RGMB: variants seen among roughly 807,000 people sequenced by gnomAD.
RGMB encodes repulsive guidance molecule BMP co-receptor b, also known as repulsive guidance molecule B.
Under a neutral mutation model 26.9 loss-of-function variants are expected in RGMB, and 16 were observed. The observed-to-expected ratio is 0.60, with a 90% CI of 0.40 to 0.90. The LOEUF (loss-of-function observed/expected upper bound fraction) is 0.90. Among genes scored for constraint, RGMB ranks in the 40% least tolerant of loss-of-function variants. The pLI is 0.00. For missense variants in RGMB, 512 were observed against 573.3 expected (o/e 0.89, Z 1.09); for synonymous variants, 225 against 229.3 (o/e 0.98, Z 0.17).
chr5:98,774,374 C>T (rs999577573), intron 1 of RGMB, among the ~76,000 whole-genome samples, 168 bp downstream of exon 1: 3 of 152,206 alleles, frequency 2.0e-5, no homozygotes, highest in African/African-American at 4.8e-5. Flanking sequence ...GCCACAGTAA[C>T]GCAGCCACCC....
Position 98,778,624 on chromosome 5 carries a change from TATTAA to T in RGMB, c.137-951_137-947del, listed in dbSNP as rs1442911332. ...GTTGTTTCCATTTTATGGAACAGAA[TATTAA>T]ATTATTTGGGGACACACAACTGACC... is the stretch of plus-strand genomic sequence containing the variant. On this transcript the variant is annotated intron_variant, in intron 1 of 2. Transcript: ENST00000513185. Among the ~76,000 whole-genome samples the T allele has an allele frequency of 4.6e-5, 7 of 152,206 alleles. 1 individual carries two copies. Among genetic ancestry groups the T allele is most frequent in the Admixed American group, 3.9e-4 (6 of 15,288 alleles).
upstream of RGMB, chr5:98,773,219 G>A (rs1474231343): frequency 1.3e-5 from 2 of 151,102 alleles, no homozygotes; most frequent in African/African-American, 2.5e-5. Context: ...GCAGGGCCAG[G>A]GCAGGGAGGG....
intron 2 of RGMB, chr5:98,781,069 A>G (rs1746587367): frequency 6.6e-6 from 1 of 152,230 alleles, no homozygotes; most frequent in Admixed American, 6.5e-5. Flanking sequence ...AATGTAATTG[A>G]CAAGACTCAA....
upstream of RGMB, chr5:98,770,757 C>T (rs1410074112): frequency 1.2e-5 from 10 of 805,658 alleles, no homozygotes; most frequent in Non-Finnish European, 1.8e-5. Flanking sequence ...CCTTTCCTTT[C>T]CTTACTGTTC....
intron 2 of RGMB, 176 bp downstream of exon 2, chr5:98,780,264 G>A: frequency 1.7e-6 from 1 of 584,878 alleles, no homozygotes; most frequent in African/African-American, 1.9e-5. Context: ...ATTTCTTATT[G>A]GAATGTAAAC....
At chr5:98,785,582 G>A (rs1422594001) in intron 2 of RGMB, among the ~76,000 whole-genome samples, 3 of 152,064 alleles carry the variant, frequency 2.0e-5, no homozygotes, top group Non-Finnish European at 4.4e-5. Flanking sequence ...ATACAACCTA[G>A]CAGGGCCTAG....
At chr5:98,768,697 C>T (rs1008926809), upstream of RGMB, 1 of 152,212 alleles carries the variant, frequency 6.6e-6, no homozygotes, top group Non-Finnish European at 1.5e-5. Flanking sequence ...ATTTCCAAAT[C>T]TTTATCTTTG....
chr5:98,783,968 C>A (rs1451952007), intron 2 of RGMB, among the ~76,000 whole-genome samples: 3 of 152,062 alleles, frequency 2.0e-5, no homozygotes, highest in African/African-American at 7.2e-5. Context: ...ATCCTTCCAC[C>A]TCAGTAACAC....
At chr5:98,782,721 G>A (rs1336524494) in intron 2 of RGMB, among the ~76,000 whole-genome samples, 2 of 152,174 alleles carry the variant, frequency 1.3e-5, no homozygotes, top group East Asian at 3.9e-4. Context: ...ACACTGCACT[G>A]AAGCACTAGA....
intron 1 of RGMB, among the ~76,000 whole-genome samples, chr5:98,779,282 T>A (rs191091158): frequency 6.6e-6 from 1 of 152,214 alleles, no homozygotes; most frequent in African/African-American, 2.4e-5. Flanking sequence ...ATAAAATATT[T>A]TATTTACTAT....
intron 2 of RGMB, among the ~76,000 whole-genome samples, chr5:98,790,228 C>G (rs1746885752): frequency 6.6e-6 from 1 of 152,162 alleles, no homozygotes; most frequent in African/African-American, 2.4e-5. Context: ...ATTTAAACTA[C>G]AAGGGACTAC....
At chr5:98,793,010 G>A (rs895755466) in intron 2 of RGMB, 75 bp from the exon 3 acceptor site, 3 of 1,222,912 alleles carry the variant, frequency 2.5e-6, no homozygotes, top group African/African-American at 1.5e-5. Context: ...ATGGCGGGGA[G>A]CTCTTGCTAC....
At chr5:98,777,688 G>A (rs762292985) in intron 1 of RGMB, among the ~76,000 whole-genome samples, 11 of 152,152 alleles carry the variant, frequency 7.2e-5, no homozygotes, top group Non-Finnish European at 1.5e-4. Context: ...TTTGATTTGA[G>A]TTCTAGTGAA....
At chr5:98,773,662 C>A (rs1182508641), upstream of RGMB, 2 of 343,572 alleles carry the variant, frequency 5.8e-6, no homozygotes, top group Non-Finnish European at 1.0e-5. Flanking sequence ...GGGGCTGCCG[C>A]GCAGAGATAT....
intron 2 of RGMB, among the ~76,000 whole-genome samples, chr5:98,786,215 T>C (rs1746762898): frequency 2.0e-5 from 3 of 152,164 alleles, no homozygotes; most frequent in Admixed American, 2.0e-4. Context: ...CCAGATGTGG[T>C]TTGGAAGGAG....
intron 2 of RGMB, among the ~76,000 whole-genome samples, chr5:98,787,059 G>A (rs1424460311): frequency 1.3e-5 from 2 of 152,176 alleles, no homozygotes; most frequent in East Asian, 3.8e-4. Context: ...GTGTGTGCAT[G>A]CACAGATGTA....
chr5:98,791,362 G>A (rs1375691895), intron 2 of RGMB, among the ~76,000 whole-genome samples: 1 of 152,242 alleles, frequency 6.6e-6, no homozygotes, highest in East Asian at 1.9e-4. Context: ...GAAATGGCTG[G>A]AAAATTCCAG....
intron 2 of RGMB, among the ~76,000 whole-genome samples, chr5:98,786,316 A>G (rs775318042): frequency 6.6e-6 from 1 of 152,210 alleles, no homozygotes; most frequent in Admixed American, 6.5e-5. Flanking sequence ...TGAGGGTGCT[A>G]TGGGGCTCTG....
intron 2 of RGMB, among the ~76,000 whole-genome samples, chr5:98,784,742 C>T (rs1746718680): frequency 6.6e-6 from 1 of 152,208 alleles, no homozygotes; most frequent in African/African-American, 2.4e-5. Context: ...ATGTTTTTAG[C>T]ATCTTTATGG....
Sources: gnomAD v4.1 joint callset for allele counts (sites outside exome capture counted in the v4.1 genomes callset) on GRCh38, gnomAD v4.1.1 for gene constraint, MANE v1.5 for transcripts, NCBI Gene and HGNC (gene_info 2026-07-23, HGNC 2026-07-21) for gene names.